The following ECHDC1 variants were observed in gnomAD, a reference collection of about 807,000 sequenced individuals.
ECHDC1 encodes the protein ethylmalonyl-CoA decarboxylase 1, also known as ethylmalonyl-CoA decarboxylase.
ECHDC1 carries 29 observed loss-of-function variants against 29.7 expected under a neutral mutation model. The observed-to-expected ratio is 0.98, with a 90% confidence interval of 0.73 to 1.33. The LOEUF is 1.33. Among genes scored for constraint, ECHDC1 ranks in the 40% most tolerant of loss-of-function variants. The pLI is 0.00. For synonymous variants in ECHDC1, 126 were observed against 123.1 expected (o/e 1.02, Z -0.15); for missense variants, 328 against 350.0 (o/e 0.94, Z 0.50).
intron 1 of ECHDC1, chr6:127,331,962 G>T: frequency 2.7e-6 from 2 of 751,876 alleles, no homozygotes; most frequent in Non-Finnish European, 1.6e-6. Flanking sequence ...TACCTCCTGA[G>T]TAATCTCATC....
chr6:127,336,953 T>C lies in ECHDC1; in HGVS notation c.-2-5923A>G, dbSNP rs192749215. Among the ~76,000 whole-genome samples, 64 of 152,296 alleles carry C rather than the reference T, an allele frequency of 4.2e-4. No individual in the cohort carries two copies. The East Asian group carries it at 0.011, about 27-fold the overall frequency. On this transcript the variant is annotated intron_variant, in intron 1 of 5. Transcript: ENST00000454859. ...GCCAAGCAATGGGGCTTGAAACAAATTGGTTAACCACACTGAGGACTAAGC... is the reference window on the plus strand; with the variant it reads ...GCCAAGCAATGGGGCTTGAAACAAACTGGTTAACCACACTGAGGACTAAGC...
chr6:127,299,109 C>T (rs1780852307), intron 5 of ECHDC1, among the ~76,000 whole-genome samples: 1 of 152,038 alleles, frequency 6.6e-6, no homozygotes, highest in African/African-American at 2.4e-5. Flanking sequence ...TCAAGCAATC[C>T]TCCTGCCTTG....
intron 1 of ECHDC1, chr6:127,342,615 A>G (rs945001306): frequency 2.1e-6 from 1 of 465,532 alleles, no homozygotes; most frequent in Non-Finnish European, 3.9e-6. Context: ...GCCCTTGTCC[A>G]GTTCCTCTGC....
intron 3 of ECHDC1, among the ~76,000 whole-genome samples, chr6:127,323,572 T>A (rs1783032122): frequency 6.6e-6 from 1 of 152,128 alleles, no homozygotes; most frequent in Non-Finnish European, 1.5e-5. Flanking sequence ...ATTTATAGAC[T>A]AGGAAAATAA....
intron 4 of ECHDC1, chr6:127,315,651 A>G (rs1782301829): frequency 3.8e-6 from 1 of 266,472 alleles, no homozygotes; most frequent in East Asian, 1.0e-4. Flanking sequence ...TAAAAAAATA[A>G]TAACTTCAGA....
At chr6:127,316,654 A>G in intron 3 of ECHDC1, 152 bp from the exon 4 acceptor site, 1 of 622,186 alleles carries the variant, frequency 1.6e-6, no homozygotes, top group Non-Finnish European at 2.7e-6. Context: ...GTTGTCTGAA[A>G]TGCAAATAAT....
chr6:127,315,879 G>A (rs1782325987), intron 4 of ECHDC1: 1 of 447,316 alleles, frequency 2.2e-6, no homozygotes, highest in Non-Finnish European at 4.6e-6. Flanking sequence ...CATTCGGAAT[G>A]TGAAAGTAGA....
intron 3 of ECHDC1, among the ~76,000 whole-genome samples, chr6:127,323,271 G>A (rs182467295): frequency 4.7e-4 from 72 of 152,092 alleles, no homozygotes; most frequent in African/African-American, 1.6e-3. Flanking sequence ...TACTCAACCC[G>A]TATAATCAAA....
intron 5 of ECHDC1, among the ~76,000 whole-genome samples, chr6:127,302,730 T>A (rs777974380): frequency 1.4e-4 from 22 of 152,180 alleles, no homozygotes; most frequent in Middle Eastern, 3.2e-3. Context: ...TACTTAGATG[T>A]ACGTTTTATA....
At chr6:127,305,361 T>C (rs1446310349) in intron 5 of ECHDC1, among the ~76,000 whole-genome samples, 1 of 152,032 alleles carries the variant, frequency 6.6e-6, no homozygotes, top group Non-Finnish European at 1.5e-5. Context: ...AATAAAGACT[T>C]CCAGACAAAC....
At chr6:127,339,786 AAAAG>A (rs1242223980) in intron 1 of ECHDC1, among the ~76,000 whole-genome samples, 7 of 151,350 alleles carry the variant, frequency 4.6e-5, no homozygotes, top group South Asian at 2.1e-4. Context: ...AAAAAAAAAA[AAAAG>A]AAAGAAAGAA....
chr6:127,307,726 C>A (rs1330299872), intron 5 of ECHDC1, among the ~76,000 whole-genome samples: 40 of 90,760 alleles, frequency 4.4e-4, no homozygotes, highest in Middle Eastern at 7.2e-3. Flanking sequence ...AAAAGTTAAA[C>A]AAAATTGAAA....
At chr6:127,292,832 G>A (rs1324140333) in intron 5 of ECHDC1, among the ~76,000 whole-genome samples, 1 of 151,968 alleles carries the variant, frequency 6.6e-6, no homozygotes, top group Non-Finnish European at 1.5e-5. Flanking sequence ...GTAGAGTAAT[G>A]GAAGACTTAG....
intron 1 of ECHDC1, among the ~76,000 whole-genome samples, chr6:127,338,747 C>G (rs1032856570): frequency 1.3e-5 from 2 of 152,084 alleles, no homozygotes; most frequent in African/African-American, 4.8e-5. Flanking sequence ...ACTTCTATAA[C>G]AAATGACTTT....
chr6:127,298,564 C>G (rs998354511), intron 5 of ECHDC1, among the ~76,000 whole-genome samples: 2 of 152,102 alleles, frequency 1.3e-5, no homozygotes, highest in African/African-American at 4.8e-5. Flanking sequence ...AAAATAATGT[C>G]TATATCAGAG....
At chr6:127,311,431 T>C (rs146783006) in intron 5 of ECHDC1, among the ~76,000 whole-genome samples, 28 of 151,796 alleles carry the variant, frequency 1.8e-4, no homozygotes, top group African/African-American at 6.3e-4. Context: ...CCCAGCACTT[T>C]GGGAGGCAGA....
intron 5 of ECHDC1, among the ~76,000 whole-genome samples, chr6:127,309,530 CACACACAG>C (rs1185487186): frequency 2.0e-5 from 1 of 50,986 alleles, no homozygotes; most frequent in African/African-American, 7.2e-5. Flanking sequence ...CACACACACA[CACACACAG>C]GAAAAAATAG....
At chr6:127,326,918 T>G in intron 3 of ECHDC1, 84 bp downstream of exon 3, 1 of 1,443,706 alleles carries the variant, frequency 6.9e-7, no homozygotes, top group Non-Finnish European at 9.3e-7. Context: ...AAAGTCATCA[T>G]AACCATTAGT....
chr6:127,308,937 C>T (rs1781659968), intron 5 of ECHDC1, among the ~76,000 whole-genome samples: 1 of 151,918 alleles, frequency 6.6e-6, no homozygotes, highest in East Asian at 1.9e-4. Context: ...TATAAAACAC[C>T]AATGAAAGAA....
Sources: gnomAD v4.1 joint callset for allele counts (sites outside exome capture counted in the v4.1 genomes callset) on GRCh38, gnomAD v4.1.1 for gene constraint, MANE v1.5 for transcripts, NCBI Gene and HGNC (gene_info 2026-07-23, HGNC 2026-07-21) for gene names.